CRACD: variants seen among roughly 807,000 people sequenced by gnomAD.
CRACD encodes capping protein inhibiting regulator of actin dynamics.
A neutral mutation model predicts 106.8 loss-of-function variants in CRACD; 56 were observed. The observed-to-expected ratio is 0.52, with a 90% CI of 0.42 to 0.66. The LOEUF is 0.66. Among genes scored for constraint, CRACD ranks in the 30% least tolerant of loss-of-function variants. The probability of loss-of-function intolerance (pLI) is 0.00; values close to 1 mark genes in which losing one functional copy is unlikely to be tolerated. For synonymous variants in CRACD, 754 were observed against 670.8 expected (o/e 1.12, Z -1.92); for missense variants, 1,730 against 1,623.2 (o/e 1.07, Z -1.13).
intron 4 of CRACD, among the ~76,000 whole-genome samples, chr4:56,300,101 G>A (rs895880330): frequency 5.9e-5 from 9 of 152,030 alleles, no homozygotes; most frequent in African/African-American, 2.2e-4. Context: ...TTGCACCACT[G>A]CACTCCAGCC....
At chr4:56,140,267 T>G (rs1577688060) in intron 1 of CRACD, among the ~76,000 whole-genome samples, 1 of 152,236 alleles carries the variant, frequency 6.6e-6, no homozygotes. Flanking sequence ...AGCACCTTCC[T>G]GTTCTCTAGT....
intron 2 of CRACD, among the ~76,000 whole-genome samples, chr4:56,180,143 T>C (rs997766134): frequency 2.0e-5 from 3 of 152,142 alleles, no homozygotes; most frequent in African/African-American, 7.2e-5. Context: ...TGGGGAACTT[T>C]GTCTTCTGAA....
intron 1 of CRACD, among the ~76,000 whole-genome samples, chr4:56,095,400 G>C (rs941915952): frequency 6.6e-6 from 1 of 152,198 alleles, no homozygotes; most frequent in African/African-American, 2.4e-5. Context: ...GACGGCAGTA[G>C]AGACAAAGTG....
intron 1 of CRACD, among the ~76,000 whole-genome samples, chr4:56,106,562 T>A (rs992532935): frequency 6.6e-6 from 1 of 152,198 alleles, no homozygotes; most frequent in Admixed American, 6.5e-5. Context: ...CAGTGTTAGC[T>A]ATGTGGAATT....
intron 1 of CRACD, among the ~76,000 whole-genome samples, chr4:56,115,268 C>G (rs1478056235): frequency 6.6e-6 from 1 of 152,144 alleles, no homozygotes. Context: ...TTAAGAGTAC[C>G]TTTATTTCAC....
At chr4:56,258,612 C>T (rs1034236151) in intron 2 of CRACD, among the ~76,000 whole-genome samples, 4 of 152,138 alleles carry the variant, frequency 2.6e-5, no homozygotes, top group Admixed American at 6.5e-5. Context: ...CAGGCACCAC[C>T]CAAAAGCAAT....
At chr4:56,049,993 C>A (rs1222259595) in intron 1 of CRACD, 1 of 151,582 alleles carries the variant, frequency 6.6e-6, no homozygotes, top group African/African-American at 2.4e-5. Context: ...GAGATTGGAC[C>A]TCCTAACCCT....
At chr4:56,191,670 G>A (rs1737373468) in intron 2 of CRACD, among the ~76,000 whole-genome samples, 1 of 152,168 alleles carries the variant, frequency 6.6e-6, no homozygotes, top group South Asian at 2.1e-4. Flanking sequence ...TGTGTTCTGC[G>A]GCAGCACTGC....
At chr4:56,156,892 T>C (rs1039238422) in intron 1 of CRACD, among the ~76,000 whole-genome samples, 2 of 152,260 alleles carry the variant, frequency 1.3e-5, no homozygotes, top group Non-Finnish European at 2.9e-5. Context: ...TGCCTGTACC[T>C]ATTACCACTA....
intron 1 of CRACD, among the ~76,000 whole-genome samples, chr4:56,149,290 C>G (rs187323877): frequency 2.0e-5 from 3 of 152,148 alleles, no homozygotes; most frequent in Admixed American, 2.0e-4. Flanking sequence ...TGTTTCTATC[C>G]CATTGTAAAA....
At chr4:56,310,263 G>T (rs1387639379) in intron 5 of CRACD, among the ~76,000 whole-genome samples, 1 of 152,166 alleles carries the variant, frequency 6.6e-6, no homozygotes, top group Non-Finnish European at 1.5e-5. Context: ...TTAGATGGGG[G>T]AGGTGTGGCT....
intron 1 of CRACD, among the ~76,000 whole-genome samples, chr4:56,084,690 T>C (rs1733155858): frequency 1.3e-5 from 2 of 152,196 alleles, no homozygotes; most frequent in Admixed American, 1.3e-4. Context: ...TCACTGCCCT[T>C]TCCTAGTAAT....
chr4:56,184,075 CT>C (rs1192500014), intron 2 of CRACD, among the ~76,000 whole-genome samples: 4 of 152,076 alleles, frequency 2.6e-5, no homozygotes, highest in African/African-American at 7.2e-5. Flanking sequence ...ACATTTCTTT[CT>C]TTTTTTTCCC....
chr4:56,156,117 C>G lies in CRACD; in HGVS notation c.-335-23167C>G, dbSNP rs551767072. 9.9e-5 allele frequency among the ~76,000 whole-genome samples: 15 copies of G among 152,282 alleles called. 1 individual carries two copies. In the East Asian group the frequency reaches 2.5e-3, roughly 26 times the overall value. ...AGCTGGGAGTACATGCAGGCTACCACGCCCAGCTAATTTTTGTGTTTTTAG... is the reference window on the plus strand; with the variant it reads ...AGCTGGGAGTACATGCAGGCTACCAGGCCCAGCTAATTTTTGTGTTTTTAG... On this transcript the variant is annotated intron_variant, in intron 1 of 10. Coordinates refer to ENST00000682029, the MANE Select transcript of CRACD (RefSeq NM_001393381.1).
chr4:56,220,345 GCCT>G (rs1738961514), intron 2 of CRACD, among the ~76,000 whole-genome samples: 2 of 152,190 alleles, frequency 1.3e-5, no homozygotes, highest in Admixed American at 1.3e-4. Flanking sequence ...ACCAACTGTT[GCCT>G]CTCCCTAAAT....
chr4:56,311,043 A>G (rs193187415), intron 6 of CRACD: 194 of 270,792 alleles, frequency 7.2e-4, no homozygotes, highest in African/African-American at 3.8e-3. Flanking sequence ...TAATTGATTG[A>G]AAAAGGCATT....
chr4:56,315,686 T>G lies in CRACD; in HGVS notation c.2184T>G (p.Phe728Leu). Residue 728 changes from phenylalanine (F) to leucine (L), a missense_variant, in exon 8 of 11, where the codon TTT becomes TTG. Coordinates refer to ENST00000682029, the MANE Select transcript of CRACD (RefSeq NM_001393381.1). The surrounding 1 kb of genome is among the most constrained non-coding windows in gnomAD (Gnocchi z 4.1). ...KFSIMPAWQK[F>L]SDGGTETSKQ... The stretch of plus-strand genomic sequence containing the variant: ...CTATTATGCCTGCCTGGCAGAAATT[T>G]TCCGATGGTGGCACGGAGACCTCCA... 1 of 1,614,208 alleles carries G rather than the reference T, an allele frequency of 6.2e-7. No individual in the cohort carries two copies. The highest frequency in any genetic ancestry group is 1.1e-5 in the South Asian group (1 of 91,086).
At chr4:56,205,646 T>C (rs182914789) in intron 2 of CRACD, among the ~76,000 whole-genome samples, 1 of 150,052 alleles carries the variant, frequency 6.7e-6, no homozygotes, top group East Asian at 2.5e-4. Context: ...TTAAAAAGTA[T>C]TTATTTGTTT....
At chr4:56,185,663 T>C (rs987005705) in intron 2 of CRACD, among the ~76,000 whole-genome samples, 2 of 152,208 alleles carry the variant, frequency 1.3e-5, no homozygotes, top group Admixed American at 6.5e-5. Context: ...ATGAGACAGA[T>C]AGCAGTTTAG....
Sources: gnomAD v4.1 joint callset for allele counts (sites outside exome capture counted in the v4.1 genomes callset) on GRCh38, gnomAD v4.1.1 for gene constraint, Gnocchi (gnomAD v3.1) non-coding constraint, MANE v1.5 for transcripts, NCBI Gene and HGNC (gene_info 2026-07-23, HGNC 2026-07-21) for gene names.